FRMD6: variants seen among roughly 807,000 people sequenced by gnomAD.
FRMD6 encodes the protein FERM domain containing 6.
Under a neutral mutation model 73.2 loss-of-function variants are expected in FRMD6, and 37 were observed. That is an observed-to-expected ratio of 0.51 (90% CI 0.39 to 0.66). The LOEUF is 0.66. Among genes scored for constraint, FRMD6 ranks in the 30% least tolerant of loss-of-function variants. FRMD6 has a pLI of 0.00. For synonymous variants in FRMD6, 273 were observed against 282.2 expected (o/e 0.97, Z 0.33); for missense variants, 714 against 780.5 (o/e 0.91, Z 1.02).
At chr14:51,720,776 A>T (rs1897512941) in intron 11 of FRMD6, among the ~76,000 whole-genome samples, 1 of 152,208 alleles carries the variant, frequency 6.6e-6, no homozygotes, top group South Asian at 2.1e-4. Context: ...ACCCCTCCCC[A>T]CAAAGTAAAG....
At chr14:51,520,063 C>T (rs1355673238) in intron 1 of FRMD6, among the ~76,000 whole-genome samples, 1 of 152,102 alleles carries the variant, frequency 6.6e-6, no homozygotes, top group Non-Finnish European at 1.5e-5. Context: ...AAAATATTCA[C>T]AATACATATA....
At chr14:51,529,168 A>T (rs906638410) in intron 1 of FRMD6, among the ~76,000 whole-genome samples, 4 of 152,212 alleles carry the variant, frequency 2.6e-5, no homozygotes, top group African/African-American at 7.2e-5. Context: ...GGGGAAGAAA[A>T]CACTTTATAG....
intron 2 of FRMD6, among the ~76,000 whole-genome samples, chr14:51,585,907 A>G (rs1889000790): frequency 3.6e-5 from 2 of 56,158 alleles, no homozygotes; most frequent in Non-Finnish European, 8.8e-5. Context: ...TTTATGGCTG[A>G]ATAGTATGCC....
intron 1 of FRMD6, among the ~76,000 whole-genome samples, chr14:51,514,675 C>T (rs1194051841): frequency 1.3e-5 from 2 of 152,116 alleles, no homozygotes; most frequent in East Asian, 1.9e-4. Flanking sequence ...TGATGAAACC[C>T]TGTCTCTACT....
chr14:51,482,904 A>G, the FRMD6 span, among the ~76,000 whole-genome samples: 1 of 151,678 alleles, frequency 6.6e-6, no homozygotes, highest in East Asian at 1.9e-4. Flanking sequence ...GGGTTTCACT[A>G]TGTCGGCCAG....
intron 2 of FRMD6, among the ~76,000 whole-genome samples, chr14:51,645,239 C>G (rs1051467332): frequency 6.6e-6 from 1 of 152,154 alleles, no homozygotes; most frequent in African/African-American, 2.4e-5. Flanking sequence ...AGAGGAGAAA[C>G]AGCGATCTTA....
chr14:51,673,219 G>T (rs1323808627), intron 1 of FRMD6, among the ~76,000 whole-genome samples: 1 of 151,924 alleles, frequency 6.6e-6, no homozygotes, highest in African/African-American at 2.4e-5. Flanking sequence ...TGTAGGAATT[G>T]TTTGACCTAT....
chr14:51,484,733 A>G (rs1882729896), upstream of FRMD6, among the ~76,000 whole-genome samples: 1 of 152,224 alleles, frequency 6.6e-6, no homozygotes, highest in African/African-American at 2.4e-5. Flanking sequence ...TGCAGTTTTT[A>G]GCTTTCCGGC....
At chr14:51,567,143 T>C (rs1327678660) in intron 1 of FRMD6, among the ~76,000 whole-genome samples, 1 of 152,202 alleles carries the variant, frequency 6.6e-6, no homozygotes, top group Non-Finnish European at 1.5e-5. Context: ...CCAGTTACCA[T>C]GCAGAAACGT....
intron 2 of FRMD6, among the ~76,000 whole-genome samples, chr14:51,572,731 G>A (rs1163595428): frequency 5.3e-5 from 8 of 152,118 alleles, no homozygotes; most frequent in Non-Finnish European, 1.0e-4. Context: ...TATTAAAAAC[G>A]AATGCCTAAG....
At chr14:51,666,518 G>T (rs1347100346) in intron 1 of FRMD6, among the ~76,000 whole-genome samples, 1 of 152,162 alleles carries the variant, frequency 6.6e-6, no homozygotes, top group Non-Finnish European at 1.5e-5. Context: ...AGACTTCGGG[G>T]CAGTCTGATC....
intron 2 of FRMD6, among the ~76,000 whole-genome samples, chr14:51,594,681 T>C (rs1389913436): frequency 6.6e-6 from 1 of 152,120 alleles, no homozygotes; most frequent in Non-Finnish European, 1.5e-5. Flanking sequence ...GAGGCTGGTC[T>C]AGAACTCTTG....
At chr14:51,472,445 A>C in the FRMD6 span, among the ~76,000 whole-genome samples, 6 of 152,164 alleles carry the variant, frequency 3.9e-5, no homozygotes, top group Admixed American at 1.3e-4. Context: ...CTGGGACTAC[A>C]GGCACCTGCC....
At chr14:51,430,695 A>C in the FRMD6 span, among the ~76,000 whole-genome samples, 14 of 152,200 alleles carry the variant, frequency 9.2e-5, no homozygotes, top group Non-Finnish European at 1.9e-4. Context: ...CATATCTCTC[A>C]TCTTTCACTC....
chr14:51,667,982 T>A (rs905297698), intron 1 of FRMD6, among the ~76,000 whole-genome samples: 1 of 152,138 alleles, frequency 6.6e-6, no homozygotes, highest in Non-Finnish European at 1.5e-5. Flanking sequence ...AGTTGTAGAG[T>A]AAAACCTAGC....
intron 1 of FRMD6, chr14:51,570,309 A>G (rs538406458): frequency 6.6e-6 from 1 of 152,190 alleles, no homozygotes; most frequent in South Asian, 2.1e-4. Context: ...AGACATTTAT[A>G]TTTCTTTTCT....
chr14:51,511,731 TG>T (rs1884323469), intron 1 of FRMD6, among the ~76,000 whole-genome samples: 2 of 152,012 alleles, frequency 1.3e-5, no homozygotes, highest in African/African-American at 4.8e-5. Context: ...CCAGTTGGGA[TG>T]GTGGACTAGG....
intron 2 of FRMD6, among the ~76,000 whole-genome samples, chr14:51,638,944 C>T (rs1228133759): frequency 6.6e-6 from 1 of 152,002 alleles, no homozygotes; most frequent in Non-Finnish European, 1.5e-5. Context: ...AAGTTTGAAT[C>T]AGTTTGAGCA....
chr14:51,613,578 G>C (rs1196266564), intron 2 of FRMD6, among the ~76,000 whole-genome samples: 1 of 152,144 alleles, frequency 6.6e-6, no homozygotes, highest in East Asian at 1.9e-4. Flanking sequence ...CAATGTTAGA[G>C]GTTTCCAAGG....
Sources: allele counts gnomAD v4.1 joint callset (sites outside exome capture counted in the v4.1 genomes callset), GRCh38; gene constraint gnomAD v4.1.1; transcripts MANE v1.5; gene names NCBI Gene and HGNC (gene_info 2026-07-23, HGNC 2026-07-21).